Variants in ELMO1 observed in about 807,000 individuals in gnomAD.
ELMO1 encodes the protein engulfment and cell motility 1.
ELMO1 carries 26 observed loss-of-function variants against 98.9 expected under a neutral mutation model. The ratio of observed to expected loss-of-function variants is 0.26; its 90% CI spans 0.19 to 0.36. ELMO1 has a LOEUF of 0.36. ELMO1 is among the 10% of genes least tolerant of loss of function. ELMO1 has a pLI of 1.00. For missense variants in ELMO1, 627 were observed against 935.2 expected, an observed-to-expected ratio of 0.67 and a Z score of 4.30; for synonymous variants, 346 against 346.0, an observed-to-expected ratio of 1.00 and a Z score of 0.00.
chr7:37,189,379 G>A (rs1212915834), intron 13 of ELMO1, among the ~76,000 whole-genome samples: 2 of 152,174 alleles, frequency 1.3e-5, no homozygotes, highest in Admixed American at 6.5e-5. Flanking sequence ...GTTTCTGTAA[G>A]GCATTCCGAA....
chr7:37,240,935 T>G (rs1181702800), intron 7 of ELMO1, among the ~76,000 whole-genome samples: 2 of 152,140 alleles, frequency 1.3e-5, no homozygotes, highest in African/African-American at 4.8e-5. Context: ...TATTTTGCTG[T>G]TATTGAGTCT....
chr7:37,433,598 T>A (rs1205679854), intron 1 of ELMO1, among the ~76,000 whole-genome samples: 2 of 152,046 alleles, frequency 1.3e-5, no homozygotes, highest in Non-Finnish European at 2.9e-5. Context: ...TTTCACCTGA[T>A]TAGGAATTCT....
intron 1 of ELMO1, among the ~76,000 whole-genome samples, chr7:37,384,111 G>A (rs866061081): frequency 1.2e-4 from 18 of 152,118 alleles, no homozygotes; most frequent in Admixed American, 2.0e-4. Context: ...CACTGTGCCC[G>A]GCCGAAACAT....
intron 16 of ELMO1, among the ~76,000 whole-genome samples, chr7:36,948,666 CAACT>C (rs1314380873): frequency 2.0e-5 from 3 of 152,160 alleles, no homozygotes; most frequent in Non-Finnish European, 4.4e-5. Flanking sequence ...TATAACCCTA[CAACT>C]ATCTCCTTCC....
At chr7:37,082,151 G>A (rs1480182377) in intron 15 of ELMO1, among the ~76,000 whole-genome samples, 2 of 152,122 alleles carry the variant, frequency 1.3e-5, no homozygotes, top group African/African-American at 2.4e-5. Context: ...CTGTTTCCAC[G>A]TAAAGATGGG....
intron 16 of ELMO1, among the ~76,000 whole-genome samples, 172 bp from the exon 17 acceptor site, chr7:36,895,189 T>C (rs1325265431): frequency 6.6e-6 from 1 of 152,188 alleles, no homozygotes; most frequent in Non-Finnish European, 1.5e-5. Context: ...CCATCTTCCA[T>C]TTTCTCTTGC....
In ELMO1 at chr7:36,887,440, C is replaced by A. The variant is rs1805123574; in HGVS notation, c.1714+120G>T. On this transcript the variant is annotated intron_variant, in intron 18 of 21. Transcript: ENST00000310758. ...ACCAGAAACGACCTGGACTGCTATT[C>A]CTGTCCTGAGTACAATGCTGCATGG... The A allele has an allele frequency of 1.2e-5, 10 of 813,642 alleles. No individual in the cohort carries two copies. In the South Asian group the frequency reaches 1.8e-4, roughly 15 times the overall value. 50.4% of individuals were successfully genotyped at this position (813,642 alleles called of 1,614,324 possible).
intron 16 of ELMO1, among the ~76,000 whole-genome samples, chr7:36,908,730 T>C (rs922448250): frequency 1.1e-4 from 16 of 152,254 alleles, no homozygotes; most frequent in African/African-American, 3.9e-4. Flanking sequence ...TATCTCATCT[T>C]GAATTAGAAA....
At chr7:37,407,487 G>A (rs1803820348) in intron 1 of ELMO1, among the ~76,000 whole-genome samples, 2 of 135,408 alleles carry the variant, frequency 1.5e-5, no homozygotes, top group African/African-American at 5.6e-5. Context: ...CAGCCTGGGC[G>A]AAAGAGTGAA....
intron 18 of ELMO1, among the ~76,000 whole-genome samples, chr7:36,887,263 G>A (rs1805095674): frequency 6.6e-6 from 1 of 152,188 alleles, no homozygotes; most frequent in South Asian, 2.1e-4. Flanking sequence ...AGTTTCAGAA[G>A]CACCTGGCAC....
chr7:37,290,027 T>C (rs1048647051), intron 4 of ELMO1, among the ~76,000 whole-genome samples: 5 of 152,310 alleles, frequency 3.3e-5, no homozygotes, highest in Admixed American at 2.0e-4. Context: ...CAGTGAGCAA[T>C]TGGGAAAGCC....
intron 1 of ELMO1, among the ~76,000 whole-genome samples, chr7:37,439,047 T>C (rs1805282393): frequency 2.0e-5 from 3 of 152,234 alleles, no homozygotes; most frequent in South Asian, 4.1e-4. Flanking sequence ...CCTAGTTGCA[T>C]TGGCACAGCA....
intron 17 of ELMO1, among the ~76,000 whole-genome samples, chr7:36,889,610 A>G (rs1320235364): frequency 1.3e-5 from 2 of 152,198 alleles, no homozygotes; most frequent in African/African-American, 4.8e-5. Flanking sequence ...GCCAGGGTTG[A>G]GTTATTAAAA....
intron 13 of ELMO1, among the ~76,000 whole-genome samples, chr7:37,166,665 T>A (rs1269936342): frequency 6.6e-6 from 1 of 152,240 alleles, no homozygotes; most frequent in African/African-American, 2.4e-5. Flanking sequence ...AGTTTCTTAA[T>A]CCTGAGTTCT....
rs369334102 is a variant in ELMO1, at chr7:37,245,525, A to G, written c.414-1134T>C. On this transcript the variant is annotated intron_variant, in intron 6 of 21. Transcript: ENST00000310758. ...GGATTAAAAATGCATATAAAGAGAT[A>G]TTTTTATTCCTCTTCTGCTCCCCCT... Among the ~76,000 whole-genome samples, 10 of 152,256 alleles carry G rather than the reference A, an allele frequency of 6.6e-5. No homozygotes were observed. The East Asian group carries it at 1.7e-3, about 26-fold the overall frequency.
chr7:37,419,037 C>T (rs369938146), intron 1 of ELMO1, among the ~76,000 whole-genome samples: 2 of 152,006 alleles, frequency 1.3e-5, no homozygotes, highest in African/African-American at 4.8e-5. Context: ...CCACTCCTAC[C>T]CCCCAGGACT....
In ELMO1 at chr7:37,226,145, C is replaced by A. The variant is rs190003060; in HGVS notation, c.550-1115G>T. Among the ~76,000 whole-genome samples the A allele has an allele frequency of 6.2e-3, 937 of 152,272 alleles. 4 individuals carry two copies. Among genetic ancestry groups the A allele is most frequent in the Non-Finnish European group, 0.01 (693 of 68,030 alleles). On this transcript the variant is annotated intron_variant, in intron 8 of 21. Transcript: ENST00000310758. ...GGGGTGGGAGACGCAGATACCAACA[C>A]TCTGCCTACCCCAGCTACATCTGGA...
chr7:37,374,651 T>C (rs1171601409), intron 1 of ELMO1, among the ~76,000 whole-genome samples: 1 of 152,156 alleles, frequency 6.6e-6, no homozygotes, highest in Non-Finnish European at 1.5e-5. Flanking sequence ...CTTGGGAGGC[T>C]GAGGCAGGAG....
chr7:36,929,563 T>A (rs138621585), intron 16 of ELMO1, among the ~76,000 whole-genome samples: 105 of 152,274 alleles, frequency 6.9e-4, no homozygotes, highest in African/African-American at 2.4e-3. Context: ...GCATGCTTTA[T>A]GGTCTTCCAG....
Sources: gnomAD v4.1 joint callset for allele counts (sites outside exome capture counted in the v4.1 genomes callset) on GRCh38, gnomAD v4.1.1 for gene constraint, MANE v1.5 for transcripts, NCBI Gene and HGNC (gene_info 2026-07-23, HGNC 2026-07-21) for gene names.